Variants in CFAP299 observed in about 807,000 individuals in gnomAD.
The protein encoded by CFAP299 is cilia and flagella associated protein 299, also known as cilia- and flagella-associated protein 299.
In CFAP299, 21 loss-of-function variants were observed where a neutral mutation model predicts 27.0. The ratio of observed to expected loss-of-function variants is 0.78; its 90% CI spans 0.55 to 1.12. The LOEUF is 1.12. Among genes scored for constraint, CFAP299 ranks in the 50% most tolerant of loss-of-function variants. The probability of loss-of-function intolerance (pLI) is 0.00; values close to 1 mark genes in which losing one functional copy is unlikely to be tolerated. For synonymous variants in CFAP299, 104 were observed against 98.1 expected, an observed-to-expected ratio of 1.06 and a Z score of -0.36; for missense variants, 310 against 276.6, an observed-to-expected ratio of 1.12 and a Z score of -0.86.
intron 3 of CFAP299, among the ~76,000 whole-genome samples, chr4:80,629,684 A>G (rs1445660233): frequency 6.6e-6 from 1 of 152,124 alleles, no homozygotes; most frequent in Admixed American, 6.6e-5. Flanking sequence ...GTTCAAGACC[A>G]GCTTGGCGAA....
intron 3 of CFAP299, among the ~76,000 whole-genome samples, chr4:80,641,657 A>G (rs541645787): frequency 5.2e-4 from 79 of 152,344 alleles, no homozygotes; most frequent in Non-Finnish European, 9.6e-4. Flanking sequence ...TTAATCATCA[A>G]TAAGGAATTG....
chr4:80,505,628 A>G (rs1373197688), intron 2 of CFAP299, among the ~76,000 whole-genome samples: 1 of 152,192 alleles, frequency 6.6e-6, no homozygotes, highest in Non-Finnish European at 1.5e-5. Flanking sequence ...GGTACCCACC[A>G]AAGAACTAGC....
chr4:80,888,591 G>A (rs994973293), intron 4 of CFAP299, among the ~76,000 whole-genome samples: 8 of 151,986 alleles, frequency 5.3e-5, no homozygotes, highest in South Asian at 4.1e-4. Context: ...AGGAAACATC[G>A]GACTTAACCT....
chr4:80,367,808 C>T (rs1020999462), intron 2 of CFAP299, among the ~76,000 whole-genome samples: 5 of 152,152 alleles, frequency 3.3e-5, no homozygotes, highest in African/African-American at 1.2e-4. Context: ...GAATTCTCTC[C>T]CCCAGGGACT....
chr4:80,487,286 T>C (rs1461856546), intron 2 of CFAP299, among the ~76,000 whole-genome samples: 1 of 152,196 alleles, frequency 6.6e-6, no homozygotes, highest in Non-Finnish European at 1.5e-5. Context: ...GGTCTTACTC[T>C]CCAAGTATGT....
chr4:80,426,601 G>C (rs1727540895), intron 2 of CFAP299, among the ~76,000 whole-genome samples: 1 of 152,184 alleles, frequency 6.6e-6, no homozygotes, highest in Non-Finnish European at 1.5e-5. Flanking sequence ...GGGTCGTCCA[G>C]CCCTACCAAA....
At chr4:80,502,884 A>G (rs192283847) in intron 2 of CFAP299, among the ~76,000 whole-genome samples, 8 of 152,240 alleles carry the variant, frequency 5.3e-5, no homozygotes, top group African/African-American at 1.9e-4. Context: ...CATGAACATA[A>G]TTGCAAGCTG....
intron 3 of CFAP299, among the ~76,000 whole-genome samples, chr4:80,745,504 G>A (rs1236752272): frequency 6.6e-6 from 1 of 151,956 alleles, no homozygotes; most frequent in East Asian, 1.9e-4. Context: ...AAAGGTCTTA[G>A]TAAAAACAAA....
In CFAP299 at chr4:80,428,818, C is replaced by T. The variant is rs141608580; in HGVS notation, c.242+65934C>T. The stretch of plus-strand genomic sequence containing the variant: ...CCTCCCAAAGTGCTGGGATTACAGG[C>T]GTGAGCCACCACACCAGGCCAACAT... On this transcript the variant is annotated intron_variant, in intron 2 of 5. Transcript: ENST00000358105. Among the ~76,000 whole-genome samples the T allele has an allele frequency of 5.4e-3, 820 of 152,012 alleles. 9 individuals are homozygous for T. The highest frequency in any genetic ancestry group is 0.019 in the African/African-American group (778 of 41,442).
At position 80,928,304 on chromosome 4, in the gene CFAP299, A is replaced by G. The variant is rs1472971887; in HGVS notation, c.477-16506A>G. Among the ~76,000 whole-genome samples the G allele has an allele frequency of 1.3e-5, 2 of 151,968 alleles. 1 individual carries two copies. The highest frequency in any genetic ancestry group is 2.9e-5 in the Non-Finnish European group (2 of 67,982). ...GGCCAGTATCTCTCACAACAAACCTATACTCCTGAATTTTCTAGCTGATAC... is the reference window on the plus strand; with the variant it reads ...GGCCAGTATCTCTCACAACAAACCTGTACTCCTGAATTTTCTAGCTGATAC... On this transcript the variant is annotated intron_variant, in intron 4 of 5. Coordinates refer to ENST00000358105, the MANE Select transcript of CFAP299 (RefSeq NM_152770.3).
rs1381854390 is a variant in CFAP299, at chr4:80,646,352, A to G, written c.333+63169A>G. ...TGCTGTGGCTTTACTCTCACTGAACAGTATCCACCAGTGCTGGCCTCCTGT... is the reference window on the plus strand; with the variant it reads ...TGCTGTGGCTTTACTCTCACTGAACGGTATCCACCAGTGCTGGCCTCCTGT... On this transcript the variant is annotated intron_variant, in intron 3 of 5. Transcript: ENST00000358105. 4.6e-5 allele frequency among the ~76,000 whole-genome samples: 7 copies of G among 152,326 alleles called. No homozygotes were observed. In the East Asian group the frequency reaches 9.6e-4, roughly 21 times the overall value.
At chr4:80,697,982 A>C (rs1449932983) in intron 3 of CFAP299, among the ~76,000 whole-genome samples, 1 of 152,248 alleles carries the variant, frequency 6.6e-6, no homozygotes, top group Non-Finnish European at 1.5e-5. Flanking sequence ...ATAGACATTC[A>C]TGTTTGTGAA....
intron 2 of CFAP299, among the ~76,000 whole-genome samples, chr4:80,439,853 G>T (rs1055587249): frequency 1.1e-4 from 16 of 152,262 alleles, no homozygotes; most frequent in African/African-American, 3.9e-4. Flanking sequence ...TGCGACACTC[G>T]AGCTTGGTGG....
chr4:80,837,259 A>G (rs921150308), intron 3 of CFAP299, among the ~76,000 whole-genome samples: 5 of 152,164 alleles, frequency 3.3e-5, no homozygotes, highest in Admixed American at 3.3e-4. Flanking sequence ...TCACCAAGTT[A>G]TCAATTCATT....
rs1269437073 is a variant in CFAP299 at position 80,940,562 on chromosome 4, A to C, written c.477-4248A>C. 2.6e-5 allele frequency among the ~76,000 whole-genome samples: 4 copies of C among 152,276 alleles called. No individual in the cohort carries two copies. The East Asian group carries it at 7.7e-4, about 29-fold the overall frequency. On this transcript the variant is annotated intron_variant, in intron 4 of 5. Coordinates refer to ENST00000358105, the MANE Select transcript of CFAP299 (RefSeq NM_152770.3). Reference sequence around the variant, plus strand: ...TGGACTTCCAGTTTCCCACAGATGCATACAGTTCCTAGATCATTGTTAAAA... The same window carrying C: ...TGGACTTCCAGTTTCCCACAGATGCCTACAGTTCCTAGATCATTGTTAAAA...
At chr4:80,857,297 A>G (rs946400035) in intron 3 of CFAP299, among the ~76,000 whole-genome samples, 1 of 152,128 alleles carries the variant, frequency 6.6e-6, no homozygotes, top group Non-Finnish European at 1.5e-5. Context: ...GCTTAAGGAG[A>G]TTTTGGGCTG....
chr4:80,568,592 T>A (rs1039896834), intron 2 of CFAP299, among the ~76,000 whole-genome samples: 3 of 152,132 alleles, frequency 2.0e-5, no homozygotes, highest in African/African-American at 7.2e-5. Flanking sequence ...GTGGATTGCA[T>A]TAATTTATGT....
chr4:80,393,715 A>G (rs1046395346), intron 2 of CFAP299, among the ~76,000 whole-genome samples: 2 of 151,986 alleles, frequency 1.3e-5, no homozygotes, highest in Non-Finnish European at 2.9e-5. Flanking sequence ...GTGTCAGTAC[A>G]CTCTATGATG....
Position 80,403,358 on chromosome 4 carries a change from T to C in CFAP299, c.242+40474T>C, listed in dbSNP as rs560616300. Among the ~76,000 whole-genome samples the C allele has an allele frequency of 5.6e-4, 85 of 152,354 alleles. 1 individual carries two copies. The highest frequency in any genetic ancestry group is 2.0e-3 in the African/African-American group (82 of 41,588). ...ATCTTCAAGCAAAGAAGATACAGTA[T>C]AGGAAATAACTTATTTGTGGATTCT... On this transcript the variant is annotated intron_variant, in intron 2 of 5. Transcript: ENST00000358105.
Sources: gnomAD v4.1 joint callset for allele counts (sites outside exome capture counted in the v4.1 genomes callset) on GRCh38, gnomAD v4.1.1 for gene constraint, MANE v1.5 for transcripts, NCBI Gene and HGNC (gene_info 2026-07-23, HGNC 2026-07-21) for gene names.